Variants in DACH1 observed in about 807,000 individuals in gnomAD.
The protein encoded by DACH1 is dachshund homolog 1.
A neutral mutation model predicts 54.2 loss-of-function variants in DACH1; 12 were observed. The ratio of observed to expected loss-of-function variants is 0.22; its 90% CI spans 0.14 to 0.36. The LOEUF (loss-of-function observed/expected upper bound fraction) is 0.36. Ranked by LOEUF, DACH1 falls within the 10% of genes least tolerant of loss-of-function variation. The pLI is 1.00. For synonymous variants in DACH1, 386 were observed against 366.2 expected (o/e 1.05, Z -0.62); for missense variants, 805 against 929.8 (o/e 0.87, Z 1.75).
chr13:71,700,295 C>G (rs893102842), intron 1 of DACH1, among the ~76,000 whole-genome samples: 3 of 152,120 alleles, frequency 2.0e-5, no homozygotes, highest in African/African-American at 7.2e-5. Flanking sequence ...TGGTGGCTCA[C>G]GCCTATAATC....
chr13:71,506,588 G>A (rs562954329), intron 6 of DACH1, among the ~76,000 whole-genome samples: 5 of 149,374 alleles, frequency 3.3e-5, no homozygotes, highest in East Asian at 3.9e-4. Flanking sequence ...AAAAGAGCCC[G>A]CATCGCCAAG....
At chr13:71,634,329 C>T (rs1877318379) in intron 2 of DACH1, among the ~76,000 whole-genome samples, 1 of 152,090 alleles carries the variant, frequency 6.6e-6, no homozygotes, top group Non-Finnish European at 1.5e-5. Flanking sequence ...CAGTCCAGTG[C>T]TTCTCATGGC....
intron 1 of DACH1, among the ~76,000 whole-genome samples, chr13:71,773,932 A>G (rs1885961817): frequency 1.3e-5 from 2 of 151,756 alleles, no homozygotes; most frequent in Non-Finnish European, 2.9e-5. Flanking sequence ...TTTACTTTCT[A>G]TAAATAGAAT....
chr13:71,532,481 A>G (rs1882478920), intron 6 of DACH1, among the ~76,000 whole-genome samples: 1 of 152,016 alleles, frequency 6.6e-6, no homozygotes, highest in Non-Finnish European at 1.5e-5. Context: ...ATACCAAAGT[A>G]AAAGTAACTG....
intron 1 of DACH1, among the ~76,000 whole-genome samples, chr13:71,805,065 A>G (rs948187707): frequency 2.6e-5 from 4 of 152,222 alleles, no homozygotes; most frequent in Admixed American, 1.3e-4. Context: ...TATACTTGCC[A>G]CATTTCAAGT....
intron 3 of DACH1, among the ~76,000 whole-genome samples, chr13:71,608,484 C>G (rs369123715): frequency 5.3e-4 from 81 of 152,108 alleles, no homozygotes; most frequent in African/African-American, 1.8e-3. Context: ...AGGTTTCACT[C>G]TATATTAGAC....
intron 10 of DACH1, among the ~76,000 whole-genome samples, chr13:71,470,651 C>A (rs1260304765): frequency 6.6e-6 from 1 of 152,026 alleles, no homozygotes; most frequent in African/African-American, 2.4e-5. Flanking sequence ...TTAGGTCATC[C>A]ATTTTTCCCT....
intron 10 of DACH1, among the ~76,000 whole-genome samples, chr13:71,473,686 A>G (rs149600262): frequency 0.01 from 1,548 of 152,206 alleles, 11 homozygotes; most frequent in Non-Finnish European, 0.016. Context: ...ATATTGTTTC[A>G]ATTTTTTCTA....
At chr13:71,769,192 A>G (rs1262129308) in intron 1 of DACH1, among the ~76,000 whole-genome samples, 2 of 151,736 alleles carry the variant, frequency 1.3e-5, no homozygotes, top group African/African-American at 4.8e-5. Context: ...GATGTCCTAA[A>G]TTTGTCATCT....
In DACH1 at chr13:71,866,508, TGCCGCCGCCGCCTCCGCTGCCGCC is replaced by T. The variant is rs782425327; in HGVS notation, c.238_261del (p.Gly80_Gly87del). ...CCACCGCCGCCTCCGTTGCCGCTGC[TGCCGCCGCCGCCTCCGCTGCCGCC>T]GCCGCCGCCGCCGCCGCCGGTAGAG... is the stretch of plus-strand genomic sequence containing the variant. On this transcript the variant is annotated inframe_deletion, in exon 1 of 11. Coordinates refer to ENST00000613252, the MANE Select transcript of DACH1 (RefSeq NM_080759.6). 1.1e-5 allele frequency: 13 copies of T among 1,213,472 alleles called. No homozygotes were observed. In the South Asian group the frequency reaches 1.5e-4, roughly 14 times the overall value. 75.2% of individuals were successfully genotyped at this position (1,213,472 alleles called of 1,614,324 possible). A position where few individuals can be genotyped will look rare whatever the true frequency, so the allele number is the denominator to read the frequency against.
rs147541864 is a variant in DACH1 at position 71,601,602 on chromosome 13, T to C, written c.1127-28590A>G. Among the ~76,000 whole-genome samples, 1,328 of 152,100 alleles carry C rather than the reference T, an allele frequency of 8.7e-3. 19 individuals are homozygous for C. Among genetic ancestry groups the C allele is most frequent in the African/African-American group, 0.029 (1,222 of 41,540 alleles). On this transcript the variant is annotated intron_variant, in intron 3 of 10. Transcript: ENST00000613252. ...CCTGTAGGAACAAAATCTCTGCCCGTCTTTTTTCTAAACAAAACAAAAACA... is the reference window on the plus strand; with the variant it reads ...CCTGTAGGAACAAAATCTCTGCCCGCCTTTTTTCTAAACAAAACAAAAACA...
At chr13:71,826,416 T>A (rs1195007158) in intron 1 of DACH1, among the ~76,000 whole-genome samples, 1 of 152,066 alleles carries the variant, frequency 6.6e-6, no homozygotes, top group Non-Finnish European at 1.5e-5. Flanking sequence ...AAACCATTTC[T>A]TATGAGCAAG....
At chr13:71,799,743 T>G (rs1887213025) in intron 1 of DACH1, among the ~76,000 whole-genome samples, 1 of 152,052 alleles carries the variant, frequency 6.6e-6, no homozygotes, top group Non-Finnish European at 1.5e-5. Context: ...AATCTACAAA[T>G]GCATGCTTAT....
At chr13:71,623,811 C>T (rs925551927) in intron 3 of DACH1, among the ~76,000 whole-genome samples, 13 of 151,774 alleles carry the variant, frequency 8.6e-5, no homozygotes, top group African/African-American at 2.9e-4. Context: ...AATCTTCTGA[C>T]TTATTTTGCT....
In DACH1 at chr13:71,692,054, C is replaced by T. The variant is rs76002520; in HGVS notation, c.849-10144G>A. ...ACACACACACACACACACAGACACA[C>T]ACATACACTTCTGTAATGAAGGCTG... On this transcript the variant is annotated intron_variant, in intron 1 of 10. Coordinates refer to ENST00000613252, the MANE Select transcript of DACH1 (RefSeq NM_080759.6). Among the ~76,000 whole-genome samples, 111 of 150,570 alleles carry T rather than the reference C, an allele frequency of 7.4e-4. 1 individual carries two copies. The East Asian group carries it at 0.018, about 25-fold the overall frequency.
chr13:71,449,835 T>C (rs1874855641), intron 10 of DACH1, among the ~76,000 whole-genome samples: 2 of 144,192 alleles, frequency 1.4e-5, no homozygotes, highest in Non-Finnish European at 3.0e-5. Flanking sequence ...AGAAAGTACA[T>C]GAGAGAACAC....
chr13:71,655,980 T>C (rs979248771), intron 2 of DACH1, among the ~76,000 whole-genome samples: 4 of 152,190 alleles, frequency 2.6e-5, no homozygotes, highest in African/African-American at 9.7e-5. Flanking sequence ...TAGAAAGTAA[T>C]TTTTAATTGG....
intron 2 of DACH1, among the ~76,000 whole-genome samples, chr13:71,639,537 G>T (rs1393225248): frequency 1.3e-5 from 2 of 152,026 alleles, no homozygotes; most frequent in Admixed American, 6.6e-5. Flanking sequence ...CACTAATTTG[G>T]AGATATATAC....
intron 2 of DACH1, among the ~76,000 whole-genome samples, chr13:71,665,172 T>C (rs1879747869): frequency 6.6e-6 from 1 of 151,940 alleles, no homozygotes; most frequent in South Asian, 2.1e-4. Context: ...ATAAAACATT[T>C]GTCAGTCTAT....
Sources: gnomAD v4.1 joint callset for allele counts (sites outside exome capture counted in the v4.1 genomes callset) on GRCh38, gnomAD v4.1.1 for gene constraint, MANE v1.5 for transcripts, NCBI Gene and HGNC (gene_info 2026-07-23, HGNC 2026-07-21) for gene names.